LRP1B: variants seen among roughly 807,000 people sequenced by gnomAD.
LRP1B encodes LDL receptor related protein 1B, also known as low-density lipoprotein receptor-related protein 1B.
In LRP1B, 217 loss-of-function variants were observed where a neutral mutation model predicts 556.6. The ratio of observed to expected loss-of-function variants is 0.39; its 90% CI spans 0.35 to 0.44. The LOEUF is 0.44. Among genes scored for constraint, LRP1B ranks in the 20% least tolerant of loss-of-function variants. LRP1B has a pLI of 1.00. For missense variants in LRP1B, 5,053 were observed against 5,620.8 expected, an observed-to-expected ratio of 0.90 and a Z score of 3.23; for synonymous variants, 2,047 against 1,865.8, an observed-to-expected ratio of 1.10 and a Z score of -2.50.
chr2:141,711,493 C>A (rs913720090), intron 2 of LRP1B, among the ~76,000 whole-genome samples: 1 of 152,150 alleles, frequency 6.6e-6, no homozygotes, highest in Admixed American at 6.6e-5. Flanking sequence ...AGAGAGTGAG[C>A]ATGAGACAGC....
intron 1 of LRP1B, among the ~76,000 whole-genome samples, chr2:142,090,721 G>T (rs1440093354): frequency 6.6e-6 from 1 of 151,950 alleles, no homozygotes; most frequent in Non-Finnish European, 1.5e-5. Context: ...TATCCACCTG[G>T]AATTCCTGTT....
At chr2:140,663,827 T>C (rs1685176667) in intron 41 of LRP1B, among the ~76,000 whole-genome samples, 1 of 152,246 alleles carries the variant, frequency 6.6e-6, no homozygotes, top group Non-Finnish European at 1.5e-5. Flanking sequence ...CGTTTCAACA[T>C]GCTTTCCTCA....
chr2:141,276,866 C>T (rs992043063), intron 3 of LRP1B, among the ~76,000 whole-genome samples: 16 of 152,038 alleles, frequency 1.1e-4, no homozygotes, highest in African/African-American at 3.9e-4. Flanking sequence ...CCCTGTTAGC[C>T]AGGATGGTCT....
chr2:141,648,156 T>C (rs355567), intron 2 of LRP1B, among the ~76,000 whole-genome samples: 151,898 of 152,162 alleles, frequency 1, 75,817 homozygotes, highest in Middle Eastern at 1. Flanking sequence ...TTTTGTGCTG[T>C]GAAGAAACAT....
chr2:141,760,343 T>C (rs1694494535), intron 2 of LRP1B, among the ~76,000 whole-genome samples: 1 of 152,162 alleles, frequency 6.6e-6, no homozygotes, highest in Non-Finnish European at 1.5e-5. Context: ...ACATCTTCAT[T>C]AGGATTCATC....
intron 1 of LRP1B, among the ~76,000 whole-genome samples, chr2:142,116,348 T>C (rs1404227704): frequency 1.3e-5 from 2 of 152,012 alleles, no homozygotes; most frequent in Non-Finnish European, 2.9e-5. Context: ...TAATTTCCAT[T>C]TGATCATGAG....
Position 141,504,492 on chromosome 2 carries a change from T to G in LRP1B, c.206-23959A>C, listed in dbSNP as rs189416672. 1.6e-3 allele frequency among the ~76,000 whole-genome samples: 245 copies of G among 152,170 alleles called. 2 individuals are homozygous for G. The highest frequency in any genetic ancestry group is 2.6e-3 in the Non-Finnish European group (180 of 67,964). On this transcript the variant is annotated intron_variant, in intron 2 of 90. Transcript: ENST00000389484. ...ATGTTCAGAAATAACTCATACTAAG[T>G]GATAGTTTGAAAATGGGAATTCCAA...
chr2:140,880,789 C>T (rs1051595968), intron 25 of LRP1B, among the ~76,000 whole-genome samples: 12 of 152,110 alleles, frequency 7.9e-5, no homozygotes, highest in African/African-American at 2.9e-4. Context: ...TTCCCATTAG[C>T]TGTCTGTCCT....
intron 2 of LRP1B, among the ~76,000 whole-genome samples, chr2:141,772,478 A>G (rs565338213): frequency 6.6e-6 from 1 of 152,246 alleles, no homozygotes; most frequent in African/African-American, 2.4e-5. Flanking sequence ...ATCACATAGA[A>G]TTTGTTAAAA....
chr2:141,805,433 T>G (rs1696139706), intron 2 of LRP1B: 1 of 152,062 alleles, frequency 6.6e-6, no homozygotes, highest in African/African-American at 2.4e-5. Context: ...TAAGGAAGTA[T>G]GAAAAAATAG....
At chr2:141,221,311 A>C (rs1400651653) in intron 6 of LRP1B, among the ~76,000 whole-genome samples, 1 of 147,650 alleles carries the variant, frequency 6.8e-6, no homozygotes, top group South Asian at 2.1e-4. Flanking sequence ...AAAAAAAACC[A>C]AAGGGCATTA....
At chr2:141,046,432 G>A (rs183239487) in intron 11 of LRP1B, among the ~76,000 whole-genome samples, 94 of 152,142 alleles carry the variant, frequency 6.2e-4, no homozygotes, top group Middle Eastern at 6.8e-3. Context: ...ATCTCATATT[G>A]TAATGTGTAT....
At chr2:141,290,294 T>A (rs1685892655) in intron 3 of LRP1B, among the ~76,000 whole-genome samples, 1 of 152,146 alleles carries the variant, frequency 6.6e-6, no homozygotes, top group South Asian at 2.1e-4. Context: ...AGATTCAATA[T>A]CGCCCACTAA....
chr2:141,290,907 A>G (rs546726736), intron 3 of LRP1B, among the ~76,000 whole-genome samples: 15 of 152,290 alleles, frequency 9.8e-5, no homozygotes, highest in Non-Finnish European at 2.1e-4. Context: ...GCCATGTTTC[A>G]AGCCAAATGA....
intron 86 of LRP1B, among the ~76,000 whole-genome samples, chr2:140,258,599 C>T (rs1448299124): frequency 1.3e-5 from 2 of 152,128 alleles, no homozygotes; most frequent in Non-Finnish European, 2.9e-5. Flanking sequence ...TCGTCTATTG[C>T]AATGGCTTTA....
At chr2:140,821,171 T>C (rs1691316474) in intron 31 of LRP1B, among the ~76,000 whole-genome samples, 1 of 152,156 alleles carries the variant, frequency 6.6e-6, no homozygotes, top group African/African-American at 2.4e-5. Flanking sequence ...TACGTCCTCC[T>C]GGAGGATGGT....
At chr2:140,965,356 A>G (rs1028030468) in intron 18 of LRP1B, among the ~76,000 whole-genome samples, 3 of 127,414 alleles carry the variant, frequency 2.4e-5, no homozygotes, top group South Asian at 2.7e-4. Flanking sequence ...AGGTTAAAAT[A>G]CCTTTTTTTT....
chr2:140,438,428 T>C (rs1463277558), intron 66 of LRP1B, among the ~76,000 whole-genome samples: 1 of 152,248 alleles, frequency 6.6e-6, no homozygotes, highest in East Asian at 1.9e-4. Context: ...CTTATAGCTA[T>C]ATATAGCTTA....
intron 22 of LRP1B, among the ~76,000 whole-genome samples, chr2:140,904,869 C>A (rs1694204705): frequency 6.6e-6 from 1 of 151,946 alleles, no homozygotes; most frequent in Non-Finnish European, 1.5e-5. Flanking sequence ...TGTTACAATG[C>A]TTTTAGCTTA....
Sources: gnomAD v4.1 joint callset for allele counts (sites outside exome capture counted in the v4.1 genomes callset) on GRCh38, gnomAD v4.1.1 for gene constraint, MANE v1.5 for transcripts, NCBI Gene and HGNC (gene_info 2026-07-23, HGNC 2026-07-21) for gene names.